The following SCNN1B variants were observed in gnomAD, a reference collection of about 807,000 sequenced individuals.
The protein encoded by SCNN1B is epithelial sodium channel subunit beta.
In SCNN1B, 46 loss-of-function variants were observed where a neutral mutation model predicts 65.3. The observed-to-expected ratio is 0.70, with a 90% CI of 0.56 to 0.90. The LOEUF (loss-of-function observed/expected upper bound fraction) is 0.90, where lower values mean the gene tolerates loss of function less well. Among genes scored for constraint, SCNN1B ranks in the 40% least tolerant of loss-of-function variants. The probability of loss-of-function intolerance (pLI) is 0.00; values close to 1 mark genes in which losing one functional copy is unlikely to be tolerated. For synonymous variants in SCNN1B, 349 were observed against 330.6 expected (o/e 1.06, Z -0.60); for missense variants, 751 against 830.5 (o/e 0.90, Z 1.18).
At chr16:23,296,503 T>C (rs1960999076) in intron 2 of SCNN1B, among the ~76,000 whole-genome samples, 1 of 152,226 alleles carries the variant, frequency 6.6e-6, no homozygotes, top group Non-Finnish European at 1.5e-5. Context: ...ACATGGACTT[T>C]GGTTTTGTTC....
At position 23,285,600 on chromosome 16, in the gene SCNN1B, C is replaced by G. The variant is rs1960839145; in HGVS notation, n.178+1796C>G. Among the ~76,000 whole-genome samples the G allele has an allele frequency of 2.0e-5, 3 of 151,998 alleles. No individual in the cohort carries two copies. The South Asian group carries it at 6.2e-4, about 32-fold the overall frequency. ...GGGAGTTGAAGAACAGCCTGGCCAA[C>G]ATAGCAAGACTCTATCTGTACAGAA... On this transcript the variant is annotated intron_variant and non_coding_transcript_variant, in intron 2 of 3. Transcript: ENST00000569789.
At chr16:23,279,271 G>A (rs1042989122) in intron 1 of SCNN1B, among the ~76,000 whole-genome samples, 1 of 152,076 alleles carries the variant, frequency 6.6e-6, no homozygotes, top group African/African-American at 2.4e-5. Context: ...GTAGAGACGG[G>A]TTTTCACCAT....
intron 4 of SCNN1B, among the ~76,000 whole-genome samples, chr16:23,361,080 C>T (rs2142029031): frequency 6.6e-6 from 1 of 152,288 alleles, no homozygotes; most frequent in Middle Eastern, 3.4e-3. Flanking sequence ...AGGCATGAGC[C>T]ACTGTGCCCA....
intron 3 of SCNN1B, among the ~76,000 whole-genome samples, chr16:23,354,246 A>G (rs779526708): frequency 8.5e-5 from 13 of 152,220 alleles, no homozygotes; most frequent in Non-Finnish European, 1.6e-4. Flanking sequence ...TGAAGCTTCA[A>G]TGGGATTATA....
chr16:23,321,805 T>C (rs1030768891), intron 1 of SCNN1B, among the ~76,000 whole-genome samples: 1 of 152,120 alleles, frequency 6.6e-6, no homozygotes, highest in African/African-American at 2.4e-5. Flanking sequence ...AGAGAATCGC[T>C]TGAGTCCAGG....
At chr16:23,377,671 CCTTT>C (rs1962939407) in intron 10 of SCNN1B, among the ~76,000 whole-genome samples, 1 of 145,820 alleles carries the variant, frequency 6.9e-6, no homozygotes, top group Non-Finnish European at 1.5e-5. Flanking sequence ...TTCCTTCCTT[CCTTT>C]CTCCCTCCCT....
At chr16:23,294,704 C>T (rs900746186) in intron 2 of SCNN1B, among the ~76,000 whole-genome samples, 1 of 151,976 alleles carries the variant, frequency 6.6e-6, no homozygotes, top group African/African-American at 2.4e-5. Flanking sequence ...ATTTAAAGCT[C>T]AACCTCAGCC....
In SCNN1B at chr16:23,343,499, GAAGGAAGGAA is replaced by G. The variant is rs760190517; in HGVS notation, c.-8-5082_-8-5073del. Among the ~76,000 whole-genome samples, 147 of 84,478 alleles carry G rather than the reference GAAGGAAGGAA, an allele frequency of 1.7e-3. 6 individuals are homozygous for G. The highest frequency in any genetic ancestry group is 2.2e-3 in the East Asian group (6 of 2,686). 55.4% of individuals were successfully genotyped at this position (84,478 alleles called of 152,430 possible). A position where few individuals can be genotyped will look rare whatever the true frequency, so the allele number is the denominator to read the frequency against. On this transcript the variant is annotated intron_variant, in intron 1 of 12. Transcript: ENST00000343070. ...GAAAGGAAGGAAGGAAGGAAGGAAGGAAGGAAGGAAAAGGAAGGAAGGAAGGAAGAAAGAG... is the reference window on the plus strand; with the variant it reads ...GAAAGGAAGGAAGGAAGGAAGGAAGGAAGGAAGGAAGGAAGGAAGAAAGAG...
chr16:23,365,974 AAACACGGGAAAAT>A (rs1339692678), intron 4 of SCNN1B, among the ~76,000 whole-genome samples: 1 of 152,196 alleles, frequency 6.6e-6, no homozygotes, highest in Non-Finnish European at 1.5e-5. Context: ...TCTTATCTGA[AAACACGGGAAAAT>A]AACACCTGCC....
chr16:23,364,627 C>T (rs1413043278), intron 4 of SCNN1B, among the ~76,000 whole-genome samples: 2 of 152,148 alleles, frequency 1.3e-5, no homozygotes, highest in African/African-American at 4.8e-5. Flanking sequence ...AGCAAGAATC[C>T]AGACATGAGA....
Position 23,367,853 on chromosome 16 carries a change from T to C in SCNN1B, c.777-3T>C, listed in dbSNP as rs374892192. 4.3e-6 allele frequency: 7 copies of C among 1,611,886 alleles called. No homozygotes were observed. The highest frequency in any genetic ancestry group is 5.9e-6 in the Non-Finnish European group (7 of 1,177,912). On this transcript the variant is annotated splice_region_variant and splice_polypyrimidine_tract_variant and intron_variant, in intron 4 of 12. Coordinates refer to ENST00000343070, the MANE Select transcript of SCNN1B (RefSeq NM_000336.3). ...GCCCTGCAGCTGATGCTGTTTCTTT[T>C]AGGAACTTCACGTCCATCTTCTACC...
chr16:23,325,994 G>A (rs766764009), intron 1 of SCNN1B, among the ~76,000 whole-genome samples: 1 of 152,024 alleles, frequency 6.6e-6, no homozygotes, highest in Non-Finnish European at 1.5e-5. Flanking sequence ...AATATCTCTT[G>A]AGCCAGGGAG....
chr16:23,363,601 C>T (rs1962593524), intron 4 of SCNN1B, among the ~76,000 whole-genome samples: 1 of 152,116 alleles, frequency 6.6e-6, no homozygotes. Context: ...TCACTTGAGG[C>T]CAGGAGTTCA....
chr16:23,316,251 T>G (rs867725626), intron 1 of SCNN1B, among the ~76,000 whole-genome samples: 15 of 144,338 alleles, frequency 1.0e-4, no homozygotes, highest in African/African-American at 3.9e-4. Flanking sequence ...ACCACCATCA[T>G]CACAACCATT....
chr16:23,376,676 G>A (rs1235484306), intron 8 of SCNN1B, among the ~76,000 whole-genome samples: 10 of 150,438 alleles, frequency 6.6e-5, no homozygotes, highest in Middle Eastern at 3.4e-3. Context: ...TTGGGAGGCC[G>A]CGGTGAGCAG....
intron 1 of SCNN1B, among the ~76,000 whole-genome samples, chr16:23,313,636 G>T (rs922368697): frequency 6.6e-6 from 1 of 152,166 alleles, no homozygotes; most frequent in African/African-American, 2.4e-5. Flanking sequence ...GTTTTGAAAT[G>T]GAGTCTCGCT....
At chr16:23,342,480 C>T (rs1596853289) in intron 1 of SCNN1B, among the ~76,000 whole-genome samples, 1 of 152,182 alleles carries the variant, frequency 6.6e-6, no homozygotes, top group East Asian at 1.9e-4. Flanking sequence ...CTCTTGACCT[C>T]AAGTGATCCA....
At chr16:23,352,424 G>C (rs1320574867) in intron 2 of SCNN1B, among the ~76,000 whole-genome samples, 1 of 152,212 alleles carries the variant, frequency 6.6e-6, no homozygotes, top group African/African-American at 2.4e-5. Flanking sequence ...GGAGGGACCT[G>C]GTGTGGGTGA....
chr16:23,304,208 A>T, intron 1 of SCNN1B: 1 of 872,136 alleles, frequency 1.1e-6, no homozygotes, highest in Non-Finnish European at 1.8e-6. Flanking sequence ...TTAGGGGATG[A>T]GGTCCTCTCT....
Sources: allele counts gnomAD v4.1 joint callset (sites outside exome capture counted in the v4.1 genomes callset), GRCh38; gene constraint gnomAD v4.1.1; transcripts MANE v1.5; gene names NCBI Gene and HGNC (gene_info 2026-07-23, HGNC 2026-07-21).